The following PPFIA2 variants were observed in gnomAD, a reference collection of about 807,000 sequenced individuals.
PPFIA2 encodes liprin-alpha-2.
PPFIA2 carries 46 observed loss-of-function variants against 175.5 expected under a neutral mutation model. That is an observed-to-expected ratio of 0.26 (90% CI 0.21 to 0.34). PPFIA2 has a LOEUF of 0.34. Ranked by LOEUF, PPFIA2 falls within the 10% of genes least tolerant of loss-of-function variation. The pLI, the probability that PPFIA2 is intolerant of heterozygous loss-of-function variation, is 1.00. For synonymous variants in PPFIA2, 568 were observed against 511.4 expected (o/e 1.11, Z -1.49); for missense variants, 1,179 against 1,506.1 (o/e 0.78, Z 3.60).
intron 4 of PPFIA2, among the ~76,000 whole-genome samples, chr12:81,499,273 C>T (rs746781207): frequency 5.3e-5 from 8 of 152,126 alleles, no homozygotes; most frequent in Non-Finnish European, 8.8e-5. Context: ...TAGAGAGAAT[C>T]CCCAACTGTT....
At chr12:81,606,447 A>T (rs2060325153) in intron 4 of PPFIA2, among the ~76,000 whole-genome samples, 1 of 152,074 alleles carries the variant, frequency 6.6e-6, no homozygotes, top group Non-Finnish European at 1.5e-5. Context: ...ATAGTGTATA[A>T]GTGTTCTCTT....
At chr12:81,293,552 C>T (rs1224553730) in intron 24 of PPFIA2, among the ~76,000 whole-genome samples, 2 of 151,874 alleles carry the variant, frequency 1.3e-5, no homozygotes, top group African/African-American at 4.8e-5. Context: ...CTCAATATCA[C>T]TAATCATCAG....
chr12:81,595,869 C>T (rs544971918), intron 4 of PPFIA2, among the ~76,000 whole-genome samples: 1 of 152,112 alleles, frequency 6.6e-6, no homozygotes, highest in Non-Finnish European at 1.5e-5. Context: ...TCATGCTAAG[C>T]TCTCTTAAAT....
chr12:81,476,020 A>G (rs2057430503), intron 4 of PPFIA2, among the ~76,000 whole-genome samples: 1 of 152,190 alleles, frequency 6.6e-6, no homozygotes, highest in African/African-American at 2.4e-5. Context: ...GCTTATATTA[A>G]TGGTCAAACT....
At chr12:81,292,047 A>C (rs1054609915) in intron 24 of PPFIA2, among the ~76,000 whole-genome samples, 2 of 152,152 alleles carry the variant, frequency 1.3e-5, no homozygotes, top group Non-Finnish European at 2.9e-5. Flanking sequence ...AGTTTTAGAA[A>C]AATGGTTTTA....
chr12:81,278,028 G>A (rs1420394228), intron 27 of PPFIA2, among the ~76,000 whole-genome samples: 4 of 152,168 alleles, frequency 2.6e-5, no homozygotes, highest in African/African-American at 9.7e-5. Flanking sequence ...CAGGAAAATG[G>A]AGCATCATGA....
intron 9 of PPFIA2, among the ~76,000 whole-genome samples, chr12:81,377,794 T>C (rs1409380399): frequency 1.3e-5 from 2 of 152,154 alleles, no homozygotes; most frequent in Non-Finnish European, 2.9e-5. Context: ...AAGCCTGGAA[T>C]AAAAGTGGTT....
At chr12:81,323,219 A>T (rs1484650515) in intron 22 of PPFIA2, among the ~76,000 whole-genome samples, 1 of 151,362 alleles carries the variant, frequency 6.6e-6, no homozygotes, top group African/African-American at 2.5e-5. Context: ...TGAAAATAAG[A>T]TATTGTCTAG....
intron 9 of PPFIA2, among the ~76,000 whole-genome samples, chr12:81,381,546 G>A (rs1014614451): frequency 3.9e-5 from 6 of 152,134 alleles, no homozygotes; most frequent in African/African-American, 1.4e-4. Context: ...GAATGAAGAT[G>A]GAGAGAATGA....
At chr12:81,495,820 C>G (rs574112009) in intron 4 of PPFIA2, among the ~76,000 whole-genome samples, 1 of 152,044 alleles carries the variant, frequency 6.6e-6, no homozygotes, top group Non-Finnish European at 1.5e-5. Context: ...GTTTCCAAAA[C>G]AAAACAAAAC....
chr12:81,312,098 A>C, intron 22 of PPFIA2: 1 of 1,502,630 alleles, frequency 6.7e-7, no homozygotes, highest in Non-Finnish European at 8.9e-7. Flanking sequence ...TACTCTGAAA[A>C]AAGAAAAAAA....
At chr12:81,515,266 T>C (rs1264025310) in intron 4 of PPFIA2, among the ~76,000 whole-genome samples, 2 of 151,942 alleles carry the variant, frequency 1.3e-5, no homozygotes, top group Non-Finnish European at 1.5e-5. Context: ...ACCAGCTACA[T>C]GTACCAAAGA....
chr12:81,262,920 T>G lies in PPFIA2; in HGVS notation c.3715+311A>C, dbSNP rs1052755711. Among the ~76,000 whole-genome samples the G allele has an allele frequency of 1.2e-4, 19 of 152,326 alleles. 1 individual carries two copies. Among genetic ancestry groups the G allele is most frequent in the Admixed American group, 8.5e-4 (13 of 15,302 alleles). On this transcript the variant is annotated intron_variant, in intron 31 of 32. Coordinates refer to ENST00000549396, the MANE Select transcript of PPFIA2 (RefSeq NM_003625.5). ...AGTCCAACCTCTAACTTAAACAAATTGTTAATTTTGGGAATAGAAGACTAA... is the reference window on the plus strand; with the variant it reads ...AGTCCAACCTCTAACTTAAACAAATGGTTAATTTTGGGAATAGAAGACTAA...
chr12:81,457,916 G>GA, intron 4 of PPFIA2, 50 bp from the exon 5 acceptor site: 2 of 1,262,570 alleles, frequency 1.6e-6, no homozygotes, highest in Admixed American at 2.6e-5. Flanking sequence ...TCTAAAAGCA[G>GA]AAAAAAATTC....
chr12:81,647,585 C>G (rs1317297049), intron 4 of PPFIA2, among the ~76,000 whole-genome samples: 7 of 151,260 alleles, frequency 4.6e-5, no homozygotes, highest in African/African-American at 1.7e-4. Context: ...CATGGTGAAA[C>G]CCTGTCTCTA....
rs570217735 is a variant in PPFIA2 at position 81,629,868 on chromosome 12, T to G, written c.303+46923A>C. On this transcript the variant is annotated intron_variant, in intron 4 of 32. Coordinates refer to ENST00000549396, the MANE Select transcript of PPFIA2 (RefSeq NM_003625.5). ...TCAAAGAGGTCCACATCCTAATCCC[T>G]GAAGCCTGTATGTGTTACTTTATAT... Among the ~76,000 whole-genome samples, 149 of 152,318 alleles carry G rather than the reference T, an allele frequency of 9.8e-4. 1 individual carries two copies. Among genetic ancestry groups the G allele is most frequent in the African/African-American group, 3.5e-3 (147 of 41,576 alleles).
chr12:81,437,981 G>A (rs1473910434), intron 7 of PPFIA2, among the ~76,000 whole-genome samples: 1 of 149,252 alleles, frequency 6.7e-6, no homozygotes, highest in Non-Finnish European at 1.5e-5. Context: ...GCTGAATCTG[G>A]TCATCAAAAA....
chr12:81,383,835 G>A (rs570566029), intron 9 of PPFIA2, among the ~76,000 whole-genome samples, 188 bp downstream of exon 9: 5 of 152,186 alleles, frequency 3.3e-5, no homozygotes, highest in Non-Finnish European at 5.9e-5. Context: ...TATATCATGG[G>A]CATTTAAAAT....
At chr12:81,725,104 CAT>C (rs1321072209) in intron 3 of PPFIA2, among the ~76,000 whole-genome samples, 5 of 150,936 alleles carry the variant, frequency 3.3e-5, no homozygotes, top group African/African-American at 7.3e-5. Context: ...TTTTCATACA[CAT>C]GTTGCAAATT....
Sources: gnomAD v4.1 joint callset for allele counts (sites outside exome capture counted in the v4.1 genomes callset) on GRCh38, gnomAD v4.1.1 for gene constraint, MANE v1.5 for transcripts, NCBI Gene and HGNC (gene_info 2026-07-23, HGNC 2026-07-21) for gene names.